The following PDZD8 variants were observed in gnomAD, a reference collection of about 807,000 sequenced individuals.
The protein encoded by PDZD8 is PDZ domain containing 8.
Under a neutral mutation model 85.8 loss-of-function variants are expected in PDZD8, and 14 were observed. That is an observed-to-expected ratio of 0.16 (90% CI 0.11 to 0.26). The LOEUF (loss-of-function observed/expected upper bound fraction) is 0.26, where lower values mean the gene tolerates loss of function less well. Ranked by LOEUF, PDZD8 falls within the 10% of genes least tolerant of loss-of-function variation. The pLI, the probability that PDZD8 is intolerant of heterozygous loss-of-function variation, is 1.00. For missense variants in PDZD8, 1,197 were observed against 1,424.3 expected (o/e 0.84, Z 2.57); for synonymous variants, 592 against 568.6 (o/e 1.04, Z -0.59).
rs762284726 is a variant in PDZD8, at chr10:117,375,231, G to A, written c.-4C>T. ...GGATCATGAGCAGCAGCCCCATCCC[G>A]CCACCGCCTCCGCCCGGGCCCCTAC... On this transcript the variant is annotated 5_prime_UTR_variant, in exon 1 of 5. Coordinates refer to ENST00000334464, the MANE Select transcript of PDZD8 (RefSeq NM_173791.5). The A allele has an allele frequency of 4.1e-6, 6 of 1,475,076 alleles. No homozygotes were observed. The highest frequency in any genetic ancestry group is 2.5e-5 in the East Asian group (1 of 39,936). The allele number at this position is 1,475,076 out of a possible 1,614,324, so 91.4% of individuals were successfully genotyped here. A position where few individuals can be genotyped will look rare whatever the true frequency, so the allele number is the denominator to read the frequency against.
At chr10:117,359,633 C>T (rs1013549270) in intron 1 of PDZD8, among the ~76,000 whole-genome samples, 91 of 152,150 alleles carry the variant, frequency 6.0e-4, no homozygotes, top group African/African-American at 2.2e-3. Flanking sequence ...ATTGCTTGAG[C>T]CCAGGAGGCA....
At chr10:117,361,867 G>T (rs540774633) in intron 1 of PDZD8, among the ~76,000 whole-genome samples, 26 of 152,172 alleles carry the variant, frequency 1.7e-4, no homozygotes, top group Admixed American at 4.6e-4. Flanking sequence ...CATTTACATT[G>T]TATTAGGCAT....
intron 1 of PDZD8, among the ~76,000 whole-genome samples, chr10:117,361,148 T>C (rs1177048789): frequency 2.6e-5 from 4 of 152,182 alleles, no homozygotes; most frequent in African/African-American, 4.8e-5. Flanking sequence ...ATGAAAATAA[T>C]TGACTTGACT....
rs544693093 is a variant in PDZD8, at chr10:117,291,217, A to G, written c.1099-869T>C. ...CTTTTTTGGGAATAGGCAAAGGAAA[A>G]GAGTTTACATTTATACTTTATTAAG... On this transcript the variant is annotated intron_variant, in intron 3 of 4. Coordinates refer to ENST00000334464, the MANE Select transcript of PDZD8 (RefSeq NM_173791.5). Among the ~76,000 whole-genome samples, 90 of 101,842 alleles carry G rather than the reference A, an allele frequency of 8.8e-4. 2 individuals are homozygous for G. The South Asian group carries it at 0.027, about 30-fold the overall frequency. 66.8% of individuals were successfully genotyped at this position (101,842 alleles called of 152,430 possible).
chr10:117,357,548 T>C (rs1271709038), intron 1 of PDZD8, among the ~76,000 whole-genome samples: 1 of 151,680 alleles, frequency 6.6e-6, no homozygotes, highest in Non-Finnish European at 1.5e-5. Context: ...GGCAGATCAC[T>C]TGAGGTCAGG....
intron 2 of PDZD8, among the ~76,000 whole-genome samples, chr10:117,322,011 C>T (rs1239819605): frequency 6.6e-6 from 1 of 152,088 alleles, no homozygotes; most frequent in Non-Finnish European, 1.5e-5. Flanking sequence ...AAGACTTGAT[C>T]TTTGTTTTGT....
At chr10:117,337,991 G>A (rs1185150517) in intron 2 of PDZD8, among the ~76,000 whole-genome samples, 1 of 152,032 alleles carries the variant, frequency 6.6e-6, no homozygotes, top group Non-Finnish European at 1.5e-5. Context: ...TCAGGAATTA[G>A]AATAAAACAC....
At chr10:117,329,321 T>C (rs1844374971) in intron 2 of PDZD8, among the ~76,000 whole-genome samples, 1 of 152,230 alleles carries the variant, frequency 6.6e-6, no homozygotes, top group African/African-American at 2.4e-5. Context: ...CTGAAAGAGC[T>C]ATTACCTCTG....
At chr10:117,329,345 C>G (rs1225105394) in intron 2 of PDZD8, among the ~76,000 whole-genome samples, 2 of 152,112 alleles carry the variant, frequency 1.3e-5, no homozygotes, top group Non-Finnish European at 2.9e-5. Flanking sequence ...AATTTCTTAC[C>G]AAGTTCAAAG....
chr10:117,346,638 T>G (rs1302286232), intron 1 of PDZD8, among the ~76,000 whole-genome samples: 1 of 152,006 alleles, frequency 6.6e-6, no homozygotes, highest in Non-Finnish European at 1.5e-5. Context: ...ATATGCAAAC[T>G]AGGAGCTTTT....
intron 2 of PDZD8, among the ~76,000 whole-genome samples, chr10:117,335,356 ATTTT>A: frequency 6.6e-6 from 1 of 152,218 alleles, no homozygotes; most frequent in Non-Finnish European, 1.5e-5. Flanking sequence ...CCAGATGACA[ATTTT>A]GATATAAAAG....
At position 117,285,319 on chromosome 10, in the gene PDZD8, T is replaced by C. The variant is rs140180780; in HGVS notation, c.1414A>G (p.Ser472Gly). 3 of 1,614,034 alleles carry C rather than the reference T, an allele frequency of 1.9e-6. No homozygotes were observed. The African/African-American group carries it at 4.0e-5, about 22-fold the overall frequency. Residue 472 changes from serine (S) to glycine (G), a missense_variant, in exon 5 of 5, where the codon AGC becomes GGC. Ser to Gly is a moderately conservative substitution (Grantham distance 56). Around this residue, in one of 4 missense-constraint regions of PDZD8, gnomAD observed 263 missense variants for 261.9 expected, o/e 1.00. Coordinates refer to ENST00000334464, the MANE Select transcript of PDZD8 (RefSeq NM_173791.5). ...TCTTCATAACCCGATTGGCATGAGCTTGACAAAAAGTTTTCTTCCAACTGG... is the reference window on the plus strand; with the variant it reads ...TCTTCATAACCCGATTGGCATGAGCCTGACAAAAAGTTTTCTTCCAACTGG... ...FGQLEENFLS[S>G]SCQSGYEEEA...
At position 117,318,915 on chromosome 10, in the gene PDZD8, C is replaced by T. The variant is rs375754251; in HGVS notation, c.1055G>A (p.Ser352Asn). Reference protein sequence around the residue: ...EANVHCTLELSSSVWEEKQRS... With the variant: ...EANVHCTLELNSSVWEEKQRS... ...CTGTTTTTCTTCCCAAACACTACTG[C>T]TTAACTCAAGTGTGCAATGAACATT... Residue 352 changes from serine (S) to asparagine (N), a missense_variant, in exon 3 of 5, where the codon AGC becomes AAC. Physicochemically the swap from Ser to Asn is conservative, Grantham distance 46 (BLOSUM62 1). This residue lies in a region of PDZD8 where 344 missense variants were observed against 453.6 expected (regional missense o/e 0.76). Coordinates refer to ENST00000334464, the MANE Select transcript of PDZD8 (RefSeq NM_173791.5). The T allele has an allele frequency of 4.3e-6, 7 of 1,612,218 alleles. No individual in the cohort carries two copies. Among genetic ancestry groups the T allele is most frequent in the Non-Finnish European group, 5.1e-6 (6 of 1,178,752 alleles).
chr10:117,278,545 G>A lies in PDZD8; in HGVS notation c.*4723C>T, dbSNP rs778482037. ...TTTATGTCATTTTGTTAAGAGATAT[G>A]ACTGGAGTGTGCAGTGTGGAATGTC... On this transcript the variant is annotated 3_prime_UTR_variant, in exon 5 of 5. Coordinates refer to ENST00000334464, the MANE Select transcript of PDZD8 (RefSeq NM_173791.5). The A allele has an allele frequency of 6.6e-6, 1 of 152,146 alleles. No homozygotes were observed. The highest frequency in any genetic ancestry group is 1.5e-5 in the Non-Finnish European group (1 of 68,030). The allele number at this position is 152,146 out of a possible 1,614,324, so 9.4% of individuals were successfully genotyped here.
At position 117,309,404 on chromosome 10, in the gene PDZD8, A is replaced by C. The variant is rs10886059; in HGVS notation, c.1098+9468T>G. ...AACAGCAGTAAAAATTAAAAAAAAA[A>C]AAAACATAGTAGATCAAAGCACCAC... On this transcript the variant is annotated intron_variant, in intron 3 of 4. Coordinates refer to ENST00000334464, the MANE Select transcript of PDZD8 (RefSeq NM_173791.5). 4.5e-3 allele frequency among the ~76,000 whole-genome samples: 682 copies of C among 151,536 alleles called. 4 individuals carry two copies. The highest frequency in any genetic ancestry group is 0.014 in the Admixed American group (216 of 15,206).
At chr10:117,292,301 G>A (rs901437903) in intron 3 of PDZD8, among the ~76,000 whole-genome samples, 9 of 152,126 alleles carry the variant, frequency 5.9e-5, no homozygotes, top group African/African-American at 2.2e-4. Context: ...AATCTCCTAA[G>A]ACATTTGTCC....
intron 1 of PDZD8, among the ~76,000 whole-genome samples, chr10:117,362,952 C>T (rs1845023092): frequency 6.6e-6 from 1 of 151,986 alleles, no homozygotes; most frequent in African/African-American, 2.4e-5. Context: ...CGATTAAAAT[C>T]CAAAGAATTA....
intron 3 of PDZD8, among the ~76,000 whole-genome samples, chr10:117,295,959 A>G (rs1340158813): frequency 1.3e-5 from 2 of 151,972 alleles, no homozygotes; most frequent in Non-Finnish European, 2.9e-5. Flanking sequence ...ACACTTCAAC[A>G]CTGTACTGGA....
intron 3 of PDZD8, among the ~76,000 whole-genome samples, chr10:117,303,901 C>T (rs1181664308): frequency 6.6e-6 from 1 of 152,262 alleles, no homozygotes; most frequent in Non-Finnish European, 1.5e-5. Flanking sequence ...CAAAAGTTTA[C>T]TGCAGGCTTG....
Sources: allele counts gnomAD v4.1 joint callset (sites outside exome capture counted in the v4.1 genomes callset), GRCh38; gene constraint gnomAD v4.1.1; regional missense constraint gnomAD v4.1.1; transcripts MANE v1.5; gene names NCBI Gene and HGNC (gene_info 2026-07-23, HGNC 2026-07-21).